The following RIMS2 variants were observed in gnomAD, a reference collection of about 807,000 sequenced individuals.
RIMS2 encodes the protein regulating synaptic membrane exocytosis 2.
Under a neutral mutation model 174.4 loss-of-function variants are expected in RIMS2, and 59 were observed. That is an observed-to-expected ratio of 0.34 (90% CI 0.27 to 0.42). The LOEUF (loss-of-function observed/expected upper bound fraction) is 0.42. Ranked by LOEUF, RIMS2 falls within the 10% of genes least tolerant of loss-of-function variation. The pLI is 1.00. For missense variants in RIMS2, 1,620 were observed against 1,666.3 expected (o/e 0.97, Z 0.48); for synonymous variants, 606 against 572.5 (o/e 1.06, Z -0.84).
exon 18 of RIMS2, chr8:104,013,591 G>A: frequency 3.1e-6 from 5 of 1,613,688 alleles, no homozygotes; most frequent in Admixed American, 1.7e-5. Flanking sequence ...ATGACTGGAA[G>A]ATCTGCCCCT....
chr8:104,199,345 A>C (rs1266935686), intron 19 of RIMS2, among the ~76,000 whole-genome samples: 3 of 151,892 alleles, frequency 2.0e-5, no homozygotes, highest in Non-Finnish European at 4.4e-5. Context: ...TACAGGCATG[A>C]GCCACCACGC....
At chr8:103,757,458 A>G (rs2098037408) in intron 2 of RIMS2, among the ~76,000 whole-genome samples, 1 of 151,808 alleles carries the variant, frequency 6.6e-6, no homozygotes, top group Non-Finnish European at 1.5e-5. Flanking sequence ...TTTCTTTCTC[A>G]TATATATTTG....
Position 103,555,930 on chromosome 8 carries a change from A to G in RIMS2, c.176+54868A>G, listed in dbSNP as rs567478538. ...GAGGATATTATGTTAAGTGAAATAA[A>G]CTATGGATAGAAAGACGAATACTGG... On this transcript the variant is annotated intron_variant, in intron 1 of 23. Transcript: ENST00000504942. Among the ~76,000 whole-genome samples, 5 of 152,342 alleles carry G rather than the reference A, an allele frequency of 3.3e-5. No homozygotes were observed. In the East Asian group the frequency reaches 7.7e-4, roughly 23 times the overall value.
chr8:103,925,548 T>C (rs1210628032), intron 10 of RIMS2, among the ~76,000 whole-genome samples: 1 of 151,574 alleles, frequency 6.6e-6, no homozygotes. Context: ...AAAGTGACAT[T>C]AAAAATGCAA....
chr8:103,981,250 C>T (rs992302655), intron 16 of RIMS2, among the ~76,000 whole-genome samples: 1 of 152,114 alleles, frequency 6.6e-6, no homozygotes, highest in African/African-American at 2.4e-5. Flanking sequence ...AAAGAGACTC[C>T]ATTTGTCTGG....
At chr8:103,994,903 G>A (rs2094971983) in intron 17 of RIMS2, among the ~76,000 whole-genome samples, 1 of 151,826 alleles carries the variant, frequency 6.6e-6, no homozygotes, top group South Asian at 2.1e-4. Flanking sequence ...GAAACTATTA[G>A]AAATTGGATG....
At chr8:103,726,105 T>C (rs796797772) in intron 2 of RIMS2, among the ~76,000 whole-genome samples, 2 of 152,314 alleles carry the variant, frequency 1.3e-5, no homozygotes, top group East Asian at 1.9e-4. Context: ...GTTTGACTTA[T>C]AATTTTTAAC....
chr8:103,814,692 T>C (rs754520828), intron 3 of RIMS2, among the ~76,000 whole-genome samples: 1 of 151,958 alleles, frequency 6.6e-6, no homozygotes, highest in Non-Finnish European at 1.5e-5. Context: ...CTGGGAAACA[T>C]AGTGAGACCC....
chr8:103,969,137 G>T (rs56317008), intron 15 of RIMS2, among the ~76,000 whole-genome samples: 1 of 151,682 alleles, frequency 6.6e-6, no homozygotes, highest in Non-Finnish European at 1.5e-5. Context: ...CTTCTTTCAA[G>T]GGTTTTTCTT....
chr8:103,580,319 C>T (rs1008660898), intron 1 of RIMS2, among the ~76,000 whole-genome samples: 1 of 151,866 alleles, frequency 6.6e-6, no homozygotes, highest in Non-Finnish European at 1.5e-5. Context: ...TACACATAGA[C>T]TAAGCTTGAA....
chr8:103,509,272 A>G (rs947392799), intron 1 of RIMS2, among the ~76,000 whole-genome samples: 3 of 152,058 alleles, frequency 2.0e-5, no homozygotes, highest in Admixed American at 1.3e-4. Flanking sequence ...GTATATTCAC[A>G]CCATGTAATC....
intron 3 of RIMS2, among the ~76,000 whole-genome samples, chr8:103,853,544 T>G (rs2099010870): frequency 6.6e-6 from 1 of 152,136 alleles, no homozygotes; most frequent in Admixed American, 6.6e-5. Context: ...TAATCCATCT[T>G]GAGTTAATTT....
intron 1 of RIMS2, among the ~76,000 whole-genome samples, chr8:103,605,232 G>T (rs1220507742): frequency 3.1e-5 from 4 of 131,062 alleles, no homozygotes; most frequent in Non-Finnish European, 4.7e-5. Flanking sequence ...TTTGTCAAAG[G>T]CTTTTTCTGC....
At chr8:104,024,894 A>G (rs898567402) in intron 19 of RIMS2, among the ~76,000 whole-genome samples, 6 of 152,128 alleles carry the variant, frequency 3.9e-5, no homozygotes, top group African/African-American at 1.4e-4. Flanking sequence ...ATATTCCGCT[A>G]TTACCTAATG....
intron 1 of RIMS2, among the ~76,000 whole-genome samples, chr8:103,555,588 G>A (rs1027807754): frequency 8.6e-5 from 13 of 151,952 alleles, no homozygotes; most frequent in South Asian, 4.1e-4. Flanking sequence ...GGCATTATTC[G>A]CAATTCCCGA....
At chr8:103,705,769 A>G (rs1489038588) in intron 2 of RIMS2, among the ~76,000 whole-genome samples, 1 of 151,296 alleles carries the variant, frequency 6.6e-6, no homozygotes, top group Non-Finnish European at 1.5e-5. Flanking sequence ...CTTACATGGA[A>G]TATCTTTTCC....
At chr8:103,959,530 A>G (rs1436502875) in intron 14 of RIMS2, among the ~76,000 whole-genome samples, 1 of 151,634 alleles carries the variant, frequency 6.6e-6, no homozygotes, top group Non-Finnish European at 1.5e-5. Context: ...CAACCTCCCT[A>G]GTAGCTGGGA....
chr8:103,813,550 G>A (rs191741002), intron 3 of RIMS2, among the ~76,000 whole-genome samples: 46 of 151,928 alleles, frequency 3.0e-4, no homozygotes, highest in African/African-American at 1.0e-3. Flanking sequence ...TATCTCTCCC[G>A]CCTCTCCCAC....
intron 19 of RIMS2, among the ~76,000 whole-genome samples, chr8:104,195,531 T>G (rs1471612351): frequency 6.6e-6 from 1 of 150,410 alleles, no homozygotes; most frequent in Non-Finnish European, 1.5e-5. Context: ...TTTTTTTTTT[T>G]TGAGAAAGAA....
Sources: gnomAD v4.1 joint callset for allele counts (sites outside exome capture counted in the v4.1 genomes callset) on GRCh38, gnomAD v4.1.1 for gene constraint, MANE v1.5 for transcripts, NCBI Gene and HGNC (gene_info 2026-07-23, HGNC 2026-07-21) for gene names.